COG5: variants seen among roughly 807,000 people sequenced by gnomAD.
The protein encoded by COG5 is component of oligomeric golgi complex 5.
COG5 carries 86 observed loss-of-function variants against 110.4 expected under a neutral mutation model. The ratio of observed to expected loss-of-function variants is 0.78; its 90% confidence interval spans 0.65 to 0.93. The LOEUF (loss-of-function observed/expected upper bound fraction) is 0.93. COG5 is among the 40% of genes least tolerant of loss of function. The probability of loss-of-function intolerance (pLI) is 0.00; values close to 1 mark genes in which losing one functional copy is unlikely to be tolerated. For missense variants in COG5, 1,077 were observed against 987.0 expected (o/e 1.09, Z -1.22); for synonymous variants, 360 against 334.6 (o/e 1.08, Z -0.83).
At chr7:107,257,140 C>T (rs888177228) in intron 15 of COG5, among the ~76,000 whole-genome samples, 1 of 152,028 alleles carries the variant, frequency 6.6e-6, no homozygotes, top group South Asian at 2.1e-4. Flanking sequence ...TTTAGGCTGA[C>T]TCTGATTTCC....
At chr7:107,351,497 G>T (rs1187031817) in intron 10 of COG5, among the ~76,000 whole-genome samples, 2 of 152,088 alleles carry the variant, frequency 1.3e-5, no homozygotes, top group Non-Finnish European at 2.9e-5. Context: ...CACAGCAAAA[G>T]AAACTACCAT....
At position 107,298,342 on chromosome 7, in the gene COG5, C is replaced by T. The variant is rs768870825; in HGVS notation, c.1113G>A (p.Ser371=). The T allele has an allele frequency of 9.3e-6, 15 of 1,611,256 alleles. No homozygotes were observed. The highest frequency in any genetic ancestry group is 1.3e-5 in the African/African-American group (1 of 74,806). ...SSQFHMATNS[S]MFLKQAFEGE... ...CTTCAAATGCCTGCTTCAAAAACAT[C>T]GAAGCTGCCAAGCAAAACAAGAACA... The change falls in exon 12 of 22, where the codon TCG becomes TCA. Residue 371 remains serine, a synonymous_variant. Transcript: ENST00000297135.
At chr7:107,469,971 A>G (rs1379557859) in intron 6 of COG5, 1 of 152,206 alleles carries the variant, frequency 6.6e-6, no homozygotes, top group African/African-American at 2.4e-5. Context: ...CATATGAAGC[A>G]CAGTTTAAGC....
At chr7:107,469,913 A>G (rs979860916) in intron 6 of COG5, 3 of 152,144 alleles carry the variant, frequency 2.0e-5, no homozygotes, top group Non-Finnish European at 4.4e-5. Context: ...CCTTTTTAAA[A>G]GTGTCCTTTA....
chr7:107,432,681 T>C (rs888100872), intron 6 of COG5, among the ~76,000 whole-genome samples: 1 of 152,008 alleles, frequency 6.6e-6, no homozygotes, highest in Non-Finnish European at 1.5e-5. Context: ...GGAAGAAAAA[T>C]GGGGATTTCT....
At chr7:107,207,832 A>C (rs754170184) in intron 21 of COG5, 207 of 985,362 alleles carry the variant, frequency 2.1e-4, no homozygotes, top group Non-Finnish European at 2.5e-4. Context: ...TGTCAGAAGA[A>C]AACAGGAAGG....
intron 6 of COG5, among the ~76,000 whole-genome samples, chr7:107,433,880 C>T (rs1197059505): frequency 6.6e-6 from 1 of 151,950 alleles, no homozygotes; most frequent in African/African-American, 2.4e-5. Context: ...AAAAGGCAAC[C>T]TACAGAATGG....
Position 107,258,351 on chromosome 7 carries a change from A to C in COG5, c.1608T>G (p.Ile536Met), listed in dbSNP as rs1020704440. 6.2e-7 allele frequency: 1 copy of C among 1,612,516 alleles called. No individual in the cohort carries two copies. The highest frequency in any genetic ancestry group is 1.3e-5 in the African/African-American group (1 of 74,848). The change falls in exon 15 of 22, where the codon ATT (isoleucine) becomes ATG (methionine). Residue 536 changes from isoleucine (I) to methionine (M), a missense_variant. By Grantham distance (10) the Ile-to-Met change is conservative (BLOSUM62 1). Transcript: ENST00000297135. ...LSTQGDASQV[I>M]GPLTEGQRRN... ...TTCTCTGTCCTTCAGTAAGAGGCCC[A>C]ATCACCTGACTTGCATCTCCTTGTG...
At chr7:107,530,041 A>T (rs551401431) in intron 5 of COG5, among the ~76,000 whole-genome samples, 1 of 152,336 alleles carries the variant, frequency 6.6e-6, no homozygotes, top group South Asian at 2.1e-4. Context: ...GTCATCCAGA[A>T]TTCCCTAATC....
chr7:107,327,416 A>C lies in COG5; in HGVS notation c.1027-2895T>G, dbSNP rs140922540. 7.9e-4 allele frequency among the ~76,000 whole-genome samples: 120 copies of C among 152,306 alleles called. 2 individuals carry two copies. The East Asian group carries it at 0.022, about 28-fold the overall frequency. On this transcript the variant is annotated intron_variant, in intron 10 of 21. Transcript: ENST00000297135. ...TTCTTGTATAGGACACCATGAACAC[A>C]GGCAACAAAAGCAGAAATAGACAAA...
intron 12 of COG5, among the ~76,000 whole-genome samples, chr7:107,284,643 A>T (rs1417768009): frequency 2.0e-5 from 3 of 152,218 alleles, no homozygotes; most frequent in Non-Finnish European, 4.4e-5. Context: ...TCTTCACAAC[A>T]TCAAATGTAA....
chr7:107,206,788 A>G lies in COG5; in HGVS notation c.2376-3158T>C, dbSNP rs538126756. On this transcript the variant is annotated intron_variant, in intron 21 of 21. Coordinates refer to ENST00000297135, the MANE Select transcript of COG5 (RefSeq NM_006348.5). Reference sequence around the variant, plus strand: ...TTTTTGGGTAGTCATCAAAAACACCATCAGAAGTATGGGGCAAAAAAGATT... The same window carrying G: ...TTTTTGGGTAGTCATCAAAAACACCGTCAGAAGTATGGGGCAAAAAAGATT... Among the ~76,000 whole-genome samples, 224 of 152,362 alleles carry G rather than the reference A, an allele frequency of 1.5e-3. 1 individual carries two copies. The highest frequency in any genetic ancestry group is 5.3e-3 in the African/African-American group (219 of 41,578).
At chr7:107,208,411 G>C (rs143357012) in intron 21 of COG5, 5 of 985,388 alleles carry the variant, frequency 5.1e-6, no homozygotes, top group Non-Finnish European at 6.0e-6. Flanking sequence ...CAACTGTTTT[G>C]GATGAACTCA....
Position 107,409,917 on chromosome 7 carries a change from T to C in COG5, c.669+2585A>G, listed in dbSNP as rs549381245. 3.9e-5 allele frequency among the ~76,000 whole-genome samples: 6 copies of C among 152,266 alleles called. No individual in the cohort carries two copies. In the East Asian group the frequency reaches 1.2e-3, roughly 29 times the overall value. ...AAATCTGAAACAACCATCTGTGAAATGGAAGAGGGAACTGGACGTAATAAA... is the reference window on the plus strand; with the variant it reads ...AAATCTGAAACAACCATCTGTGAAACGGAAGAGGGAACTGGACGTAATAAA... On this transcript the variant is annotated intron_variant, in intron 7 of 21. Coordinates refer to ENST00000297135, the MANE Select transcript of COG5 (RefSeq NM_006348.5).
chr7:107,350,338 T>G (rs1812022492), intron 10 of COG5, among the ~76,000 whole-genome samples: 1 of 152,232 alleles, frequency 6.6e-6, no homozygotes, highest in Non-Finnish European at 1.5e-5. Flanking sequence ...TTGTGTTTAC[T>G]GTATCTGCTC....
At chr7:107,493,499 C>T (rs1798091732) in intron 6 of COG5, among the ~76,000 whole-genome samples, 1 of 152,082 alleles carries the variant, frequency 6.6e-6, no homozygotes, top group Admixed American at 6.6e-5. Flanking sequence ...AATATGTGAA[C>T]ATAACTTAAG....
At chr7:107,355,915 T>C (rs1315743205) in intron 10 of COG5, among the ~76,000 whole-genome samples, 1 of 152,250 alleles carries the variant, frequency 6.6e-6, no homozygotes, top group Non-Finnish European at 1.5e-5. Context: ...TTACAACTGA[T>C]GAACCACTAT....
intron 6 of COG5, among the ~76,000 whole-genome samples, chr7:107,481,401 C>T (rs1035940616): frequency 6.6e-6 from 1 of 151,916 alleles, no homozygotes; most frequent in African/African-American, 2.4e-5. Context: ...AATATTAATG[C>T]TAACAAATGA....
At chr7:107,316,825 T>C (rs1470723621) in intron 11 of COG5, among the ~76,000 whole-genome samples, 2 of 151,562 alleles carry the variant, frequency 1.3e-5, no homozygotes, top group African/African-American at 4.9e-5. Flanking sequence ...AGTGAGACTC[T>C]GTCTCAGGAA....
Sources: gnomAD v4.1 joint callset for allele counts (sites outside exome capture counted in the v4.1 genomes callset) on GRCh38, gnomAD v4.1.1 for gene constraint, MANE v1.5 for transcripts, NCBI Gene and HGNC (gene_info 2026-07-23, HGNC 2026-07-21) for gene names.